FAM216A: variants seen among roughly 807,000 people sequenced by gnomAD.
FAM216A encodes the protein family with sequence similarity 216 member A.
In FAM216A, 26 loss-of-function variants were observed where a neutral mutation model predicts 37.6. The ratio of observed to expected loss-of-function variants is 0.69; its 90% CI spans 0.51 to 0.96. The LOEUF (loss-of-function observed/expected upper bound fraction) is 0.96. FAM216A is among the 40% of genes least tolerant of loss of function. FAM216A has a pLI of 0.00. For missense variants in FAM216A, 326 were observed against 339.3 expected (o/e 0.96, Z 0.31); for synonymous variants, 110 against 121.7 (o/e 0.90, Z 0.64).
chr12:110,470,103 G>GT (rs776038983), intron 1 of FAM216A, among the ~76,000 whole-genome samples: 12,527 of 140,486 alleles, frequency 0.089, 587 homozygotes, highest in South Asian at 0.12. Context: ...CATCCTTTTT[G>GT]TTTTTTTTTT....
At chr12:110,477,043 T>G (rs1171045682) in intron 2 of FAM216A, among the ~76,000 whole-genome samples, 1 of 152,200 alleles carries the variant, frequency 6.6e-6, no homozygotes, top group African/African-American at 2.4e-5. Context: ...TTTGTAGAAT[T>G]TCCCTAAATT....
At chr12:110,477,282 T>C (rs2062719482) in intron 2 of FAM216A, among the ~76,000 whole-genome samples, 2 of 152,238 alleles carry the variant, frequency 1.3e-5, no homozygotes, top group Admixed American at 1.3e-4. Context: ...TATATGGGGA[T>C]ATACTTTGAG....
chr12:110,484,869 T>G (rs1393353123), intron 2 of FAM216A, among the ~76,000 whole-genome samples: 2 of 151,944 alleles, frequency 1.3e-5, no homozygotes, highest in African/African-American at 4.8e-5. Context: ...TCTCCTAAAT[T>G]TTTTGTATTT....
In FAM216A at chr12:110,489,311, C is replaced by G. The variant is rs142736393; in HGVS notation, c.704-708C>G. ...CCTGAGGTCAGGAGTTCGAGAGCAGCCTGACCAACATGGAGAAACCCTGTC... is the reference window on the plus strand; with the variant it reads ...CCTGAGGTCAGGAGTTCGAGAGCAGGCTGACCAACATGGAGAAACCCTGTC... On this transcript the variant is annotated intron_variant, in intron 6 of 6. Coordinates refer to ENST00000377673, the MANE Select transcript of FAM216A (RefSeq NM_013300.3). Among the ~76,000 whole-genome samples the G allele has an allele frequency of 6.9e-3, 1,042 of 152,084 alleles. 1 individual carries two copies. The highest frequency in any genetic ancestry group is 9.4e-3 in the Non-Finnish European group (636 of 67,998).
intron 2 of FAM216A, among the ~76,000 whole-genome samples, chr12:110,482,501 A>C (rs1290831908): frequency 6.6e-6 from 1 of 152,004 alleles, no homozygotes; most frequent in African/African-American, 2.4e-5. Flanking sequence ...ATACAATAGA[A>C]GATAACCCAA....
At chr12:110,479,566 C>T (rs979965518) in intron 2 of FAM216A, among the ~76,000 whole-genome samples, 1 of 150,896 alleles carries the variant, frequency 6.6e-6, no homozygotes, top group Non-Finnish European at 1.5e-5. Context: ...AGGCTGGGCG[C>T]AGTGGCTCAC....
At chr12:110,479,163 CA>C (rs764041764) in intron 2 of FAM216A, among the ~76,000 whole-genome samples, 1,910 of 116,576 alleles carry the variant, frequency 0.016, 4 homozygotes, top group African/African-American at 0.024. Context: ...GACTCTGTCT[CA>C]AAAAAAAAAA....
intron 3 of FAM216A, among the ~76,000 whole-genome samples, chr12:110,485,705 G>C (rs1028004625): frequency 6.6e-6 from 1 of 152,174 alleles, no homozygotes; most frequent in African/African-American, 2.4e-5. Context: ...AGAGCAATGT[G>C]AATTAGGGTA....
At position 110,469,001 on chromosome 12, in the gene FAM216A, C is replaced by G; in HGVS notation, c.126C>G (p.Thr42=). The G allele has an allele frequency of 1.3e-6, 2 of 1,482,876 alleles. No individual in the cohort carries two copies. Among genetic ancestry groups the G allele is most frequent in the Non-Finnish European group, 1.8e-6 (2 of 1,117,818 alleles). The allele number at this position is 1,482,876 out of a possible 1,614,324, so 91.9% of individuals were successfully genotyped here. The change falls in exon 1 of 7, where the codon ACC becomes ACG. Residue 42 remains threonine (T), a synonymous_variant. Transcript: ENST00000377673. ...SSAEPPAVAG[T]EGGGGGSAGY... is the part of the protein sequence containing the mutation. ...CAGAGCCGCCCGCTGTGGCCGGGAC[C>G]GAGGGTGGCGGCGGCGGGTGAGGTT...
chr12:110,476,126 G>A (rs985075760), intron 2 of FAM216A, among the ~76,000 whole-genome samples: 2 of 151,540 alleles, frequency 1.3e-5, no homozygotes, highest in Admixed American at 6.6e-5. Context: ...TTAAGATATC[G>A]TTTATTATTT....
intron 1 of FAM216A, among the ~76,000 whole-genome samples, chr12:110,470,188 T>G (rs894130099): frequency 6.6e-6 from 1 of 151,170 alleles, no homozygotes; most frequent in African/African-American, 2.4e-5. Flanking sequence ...AAGCTCCGCC[T>G]CCCGGGTTCA....
chr12:110,474,400 T>A (rs2135543150), intron 2 of FAM216A, among the ~76,000 whole-genome samples: 1 of 152,074 alleles, frequency 6.6e-6, no homozygotes, highest in East Asian at 1.9e-4. Flanking sequence ...TTAAAATAAT[T>A]ACTACTAGGC....
intron 5 of FAM216A, 111 bp downstream of exon 5, chr12:110,486,828 T>A: frequency 5.2e-6 from 5 of 963,928 alleles, no homozygotes; most frequent in Non-Finnish European, 7.7e-6. Flanking sequence ...GTGATACAGT[T>A]TACTGTATTC....
intron 1 of FAM216A, among the ~76,000 whole-genome samples, chr12:110,471,368 G>A (rs1444182699): frequency 6.6e-6 from 1 of 152,152 alleles, no homozygotes; most frequent in Non-Finnish European, 1.5e-5. Context: ...GATTACAGGC[G>A]GGAGCTACCG....
At chr12:110,489,992 AAT>A in intron 6 of FAM216A, 25 bp from the exon 7 acceptor site, 1 of 1,074,588 alleles carries the variant, frequency 9.3e-7, no homozygotes, top group Non-Finnish European at 1.4e-6. Context: ...CAAAACAGAC[AAT>A]TGTAAATTCT....
chr12:110,474,691 C>CAA (rs34479591), intron 2 of FAM216A, among the ~76,000 whole-genome samples: 16 of 44,844 alleles, frequency 3.6e-4, no homozygotes, highest in South Asian at 1.1e-3. Flanking sequence ...GACTCTGTCT[C>CAA]AAAAAAAAAA....
Position 110,485,097 on chromosome 12 carries a change from C to T in FAM216A, c.204C>T (p.Tyr68=), listed in dbSNP as rs781235800. The change falls in exon 3 of 7, where the codon TAC becomes TAT. Residue 68 remains tyrosine, a synonymous_variant. Transcript: ENST00000377673. Reference sequence around the variant, plus strand: ...CTACAGATAGAATCAAAGATGGATACAAAGTGAACTCACACATAGCTAAGC... The same window carrying T: ...CTACAGATAGAATCAAAGATGGATATAAAGTGAACTCACACATAGCTAAGC... ...SKGSDRIKDG[Y]KVNSHIAKLQ... 1.3e-5 allele frequency: 21 copies of T among 1,610,408 alleles called. No homozygotes were observed. The highest frequency in any genetic ancestry group is 1.7e-5 in the Non-Finnish European group (20 of 1,179,006).
At chr12:110,486,866 C>G (rs1382306907) in intron 5 of FAM216A, 149 bp downstream of exon 5, 12 of 674,216 alleles carry the variant, frequency 1.8e-5, no homozygotes, top group Non-Finnish European at 2.9e-5. Context: ...AGCAATGCTC[C>G]TGCCTCAGAC....
At chr12:110,488,420 A>G (rs1403454533) in intron 6 of FAM216A, among the ~76,000 whole-genome samples, 4 of 151,780 alleles carry the variant, frequency 2.6e-5, no homozygotes, top group Non-Finnish European at 5.9e-5. Context: ...CAAAAAAAAA[A>G]AAAAAAAGAA....
Sources: allele counts gnomAD v4.1 joint callset (sites outside exome capture counted in the v4.1 genomes callset), GRCh38; gene constraint gnomAD v4.1.1; transcripts MANE v1.5; gene names NCBI Gene and HGNC (gene_info 2026-07-23, HGNC 2026-07-21).